ANO4: variants seen among roughly 807,000 people sequenced by gnomAD.
The protein encoded by ANO4 is anoctamin-4.
In ANO4, 69 loss-of-function variants were observed where a neutral mutation model predicts 141.9. The observed-to-expected ratio is 0.49, with a 90% CI of 0.40 to 0.59. ANO4 has a LOEUF of 0.59. Ranked by LOEUF, ANO4 falls within the 20% of genes least tolerant of loss-of-function variation. The pLI is 0.00. For missense variants in ANO4, 894 were observed against 1,162.2 expected, an observed-to-expected ratio of 0.77 and a Z score of 3.36; for synonymous variants, 350 against 394.3, an observed-to-expected ratio of 0.89 and a Z score of 1.33.
intron 2 of ANO4, among the ~76,000 whole-genome samples, chr12:100,915,183 A>G (rs73389665): frequency 0.078 from 11,882 of 152,102 alleles, 692 homozygotes; most frequent in African/African-American, 0.16. Flanking sequence ...GAATTCACCT[A>G]TGGGGAGTTC....
chr12:100,743,428 A>G (rs1238132380), intron 3 of ANO4, among the ~76,000 whole-genome samples: 3 of 152,048 alleles, frequency 2.0e-5, no homozygotes, highest in East Asian at 3.9e-4. Flanking sequence ...TTGACACACA[A>G]TTTTTAAAAA....
At chr12:101,106,778 A>T (rs1417169790) in intron 22 of ANO4, among the ~76,000 whole-genome samples, 2 of 151,846 alleles carry the variant, frequency 1.3e-5, no homozygotes, top group Non-Finnish European at 2.9e-5. Flanking sequence ...TAACTCTTCC[A>T]TGGGTATATG....
chr12:101,121,837 A>T (rs900646721), intron 26 of ANO4, among the ~76,000 whole-genome samples: 6 of 142,408 alleles, frequency 4.2e-5, no homozygotes, highest in African/African-American at 1.3e-4. Flanking sequence ...ATCTCGGCTC[A>T]CTGCAACCTC....
chr12:100,733,964 A>G (rs1463557443), intron 2 of ANO4: 3 of 594,534 alleles, frequency 5.0e-6, no homozygotes, highest in African/African-American at 1.9e-5. Flanking sequence ...ATAAATGCAT[A>G]GGCATTTATT....
At chr12:101,104,666 TATATAAATAA>T (rs1407117300) in intron 22 of ANO4, among the ~76,000 whole-genome samples, 22 of 59,564 alleles carry the variant, frequency 3.7e-4, no homozygotes, top group African/African-American at 2.6e-3. Context: ...TATATATATA[TATATAAATAA>T]AAAGATTTAC....
chr12:100,997,343 A>AAAG (rs2045433711), intron 8 of ANO4, among the ~76,000 whole-genome samples: 1 of 151,350 alleles, frequency 6.6e-6, no homozygotes. Context: ...AAAAAAAAAA[A>AAAG]AAAAAAAAGT....
chr12:101,119,537 C>T (rs1354247056), intron 25 of ANO4, among the ~76,000 whole-genome samples: 1 of 152,080 alleles, frequency 6.6e-6, no homozygotes, highest in Non-Finnish European at 1.5e-5. Flanking sequence ...AATATAGTCA[C>T]ACTAGAGTCT....
At chr12:100,868,591 ACTGATT>A (rs2038877604) in intron 1 of ANO4, among the ~76,000 whole-genome samples, 1 of 152,086 alleles carries the variant, frequency 6.6e-6, no homozygotes, top group African/African-American at 2.4e-5. Flanking sequence ...TAACAAAGAC[ACTGATT>A]CCATTTCAGC....
intron 1 of ANO4, among the ~76,000 whole-genome samples, chr12:100,726,369 A>T (rs1311167661): frequency 1.3e-5 from 2 of 152,184 alleles, no homozygotes; most frequent in Non-Finnish European, 2.9e-5. Context: ...TTCTGAACTA[A>T]TCTATTTCTT....
intron 14 of ANO4, among the ~76,000 whole-genome samples, chr12:101,063,367 T>G (rs1200961405): frequency 6.6e-6 from 1 of 152,232 alleles, no homozygotes; most frequent in Non-Finnish European, 1.5e-5. Flanking sequence ...GGACAATATA[T>G]TAATTAAATT....
intron 5 of ANO4, among the ~76,000 whole-genome samples, chr12:100,948,081 C>A (rs1292147335): frequency 6.8e-6 from 1 of 146,280 alleles, no homozygotes; most frequent in Non-Finnish European, 1.5e-5. Flanking sequence ...GTAGTCCCAG[C>A]TACTCGGGAG....
intron 1 of ANO4, among the ~76,000 whole-genome samples, chr12:100,897,186 G>A (rs189678949): frequency 2.3e-4 from 35 of 152,274 alleles, no homozygotes; most frequent in South Asian, 2.3e-3. Context: ...GTCTCAAGAG[G>A]AAAAGGTATT....
At chr12:100,985,906 A>G (rs1410055197) in intron 7 of ANO4, among the ~76,000 whole-genome samples, 3 of 152,152 alleles carry the variant, frequency 2.0e-5, no homozygotes, top group Non-Finnish European at 2.9e-5. Context: ...TATATGTTCA[A>G]CCTGGCTGGG....
chr12:100,965,230 A>G (rs1407445890), intron 5 of ANO4, among the ~76,000 whole-genome samples: 2 of 152,118 alleles, frequency 1.3e-5, no homozygotes, highest in African/African-American at 4.8e-5. Flanking sequence ...CCCAGGCCAA[A>G]TAACCTCTTC....
At chr12:100,941,503 C>T (rs1030944759) in intron 4 of ANO4, among the ~76,000 whole-genome samples, 1 of 152,026 alleles carries the variant, frequency 6.6e-6, no homozygotes, top group African/African-American at 2.4e-5. Context: ...TTGTTAGATG[C>T]AACTATAGTT....
chr12:101,064,834 G>T (rs1336732506), intron 14 of ANO4, among the ~76,000 whole-genome samples: 1 of 152,116 alleles, frequency 6.6e-6, no homozygotes, highest in Non-Finnish European at 1.5e-5. Flanking sequence ...GCACAAATCT[G>T]AGTAGCATGA....
chr12:101,080,407 T>C (rs1243206971), intron 15 of ANO4, among the ~76,000 whole-genome samples: 15 of 152,150 alleles, frequency 9.9e-5, no homozygotes, highest in Admixed American at 9.8e-4. Context: ...ACAGGAGGTT[T>C]TGATACATGA....
intron 17 of ANO4, among the ~76,000 whole-genome samples, chr12:101,093,095 A>G (rs981521058): frequency 6.6e-6 from 1 of 152,194 alleles, no homozygotes; most frequent in Non-Finnish European, 1.5e-5. Flanking sequence ...GGAAAATGAC[A>G]CCAATCTCCA....
At chr12:100,788,305 T>C (rs1048804196) in intron 3 of ANO4, among the ~76,000 whole-genome samples, 55 of 152,184 alleles carry the variant, frequency 3.6e-4, no homozygotes, top group African/African-American at 1.3e-3. Flanking sequence ...AAGAAAAATG[T>C]GAAATGGGAT....
Sources: allele counts gnomAD v4.1 joint callset (sites outside exome capture counted in the v4.1 genomes callset), GRCh38; gene constraint gnomAD v4.1.1; transcripts MANE v1.5; gene names NCBI Gene and HGNC (gene_info 2026-07-23, HGNC 2026-07-21).